The following ASTN1 variants were observed in gnomAD, a reference collection of about 807,000 sequenced individuals.
ASTN1 encodes astrotactin-1.
In ASTN1, 41 loss-of-function variants were observed where a neutral mutation model predicts 140.7. That is an observed-to-expected ratio of 0.29 (90% CI 0.23 to 0.38). The LOEUF is 0.38. Ranked by LOEUF, ASTN1 falls within the 10% of genes least tolerant of loss-of-function variation. The pLI is 1.00. For synonymous variants in ASTN1, 640 were observed against 652.2 expected (o/e 0.98, Z 0.29); for missense variants, 1,479 against 1,678.8 (o/e 0.88, Z 2.08).
intron 5 of ASTN1, among the ~76,000 whole-genome samples, chr1:177,025,651 A>G (rs940082111): frequency 2.6e-5 from 4 of 152,202 alleles, no homozygotes; most frequent in Non-Finnish European, 4.4e-5. Context: ...AAAGGTTTCC[A>G]TTAAGGCAGA....
chr1:176,864,319 G>A lies in ASTN1; in HGVS notation c.3850C>T (p.Pro1284Ser), dbSNP rs146353059. The A allele has an allele frequency of 2.2e-5, 36 of 1,613,942 alleles. No individual in the cohort carries two copies. The highest frequency in any genetic ancestry group is 3.0e-5 in the Non-Finnish European group (35 of 1,180,008). The stretch of plus-strand genomic sequence containing the variant: ...TTGCTGTCCCCATAGTCGTTGTAGG[G>A]GATACTCAGGGTCTGCTCCTCACAC... ...KTCEEQTLSI[P>S]YNDYGDSKEI Residue 1284 changes from proline (P) to serine (S), a missense_variant, in exon 23 of 23, where the codon CCC (proline) becomes TCC (serine). Physicochemically the swap from Pro to Ser is moderately conservative, Grantham distance 74. This residue lies in a region of ASTN1 where 746 missense variants were observed against 800.9 expected (regional missense o/e 0.93). Transcript: ENST00000361833.
At position 177,029,681 on chromosome 1, in the gene ASTN1, T is replaced by C. The variant is rs1676322567; in HGVS notation, c.1073A>G (p.Gln358Arg). The C allele has an allele frequency of 3.1e-6, 5 of 1,613,840 alleles. No homozygotes were observed. Among genetic ancestry groups the C allele is most frequent in the Non-Finnish European group, 4.2e-6 (5 of 1,179,920 alleles). ...DSGTEAENDPQLTFYTDPSRS... is the reference protein window; with the variant it reads ...DSGTEAENDPRLTFYTDPSRS... ...TGAAGGATCCGTGTAAAAGGTCAGC[T>C]GGGGGTCGTTTTCTGCCTCTGTGCC... Residue 358 changes from glutamine to arginine, a missense_variant, in exon 5 of 23, where the codon CAG (glutamine) becomes CGG (arginine). Physicochemically the swap from Gln to Arg is conservative, Grantham distance 43 (BLOSUM62 1). Coordinates refer to ENST00000361833, the MANE Select transcript of ASTN1 (RefSeq NM_004319.3).
intron 16 of ASTN1, among the ~76,000 whole-genome samples, chr1:176,899,831 T>G (rs1481279555): frequency 6.6e-6 from 1 of 152,172 alleles, no homozygotes; most frequent in Non-Finnish European, 1.5e-5. Flanking sequence ...TAAAATGAAC[T>G]GCTAGACCTG....
intron 1 of ASTN1, among the ~76,000 whole-genome samples, chr1:177,131,141 C>T (rs1211424600): frequency 2.6e-5 from 4 of 152,146 alleles, no homozygotes; most frequent in Non-Finnish European, 4.4e-5. Flanking sequence ...AGTGAATGTG[C>T]CTCTCATCCA....
intron 1 of ASTN1, among the ~76,000 whole-genome samples, chr1:177,107,069 A>AT (rs1252202348): frequency 6.6e-6 from 1 of 152,130 alleles, no homozygotes; most frequent in Non-Finnish European, 1.5e-5. Context: ...TCTAAAGACC[A>AT]TTTTTAAGTG....
At chr1:177,024,527 C>G in intron 6 of ASTN1, 56 bp downstream of exon 6, 1 of 1,594,492 alleles carries the variant, frequency 6.3e-7, no homozygotes, top group Non-Finnish European at 8.6e-7. Context: ...CTTTGCCCAA[C>G]CAGAAAACTT....
chr1:177,123,028 G>A (rs1354641882), intron 1 of ASTN1, among the ~76,000 whole-genome samples: 1 of 152,162 alleles, frequency 6.6e-6, no homozygotes, highest in Non-Finnish European at 1.5e-5. Context: ...CAGGGAGTGT[G>A]CAGTGCAGCT....
At chr1:177,110,247 T>C (rs1571797924) in intron 1 of ASTN1, among the ~76,000 whole-genome samples, 2 of 152,186 alleles carry the variant, frequency 1.3e-5, no homozygotes, top group Non-Finnish European at 2.9e-5. Context: ...AGAGGAAAGA[T>C]TACATGCAAA....
At chr1:177,124,058 G>A (rs577451696) in intron 1 of ASTN1, among the ~76,000 whole-genome samples, 1 of 152,202 alleles carries the variant, frequency 6.6e-6, no homozygotes, top group South Asian at 2.1e-4. Flanking sequence ...ATTATCACAG[G>A]GCTTAGGAGC....
At chr1:176,963,618 G>A (rs1672758036) in intron 9 of ASTN1, among the ~76,000 whole-genome samples, 1 of 152,178 alleles carries the variant, frequency 6.6e-6, no homozygotes, top group African/African-American at 2.4e-5. Context: ...TGCTTGTGGG[G>A]ATAGAAACAG....
chr1:176,910,053 A>C (rs1670165518), intron 16 of ASTN1, among the ~76,000 whole-genome samples: 1 of 152,162 alleles, frequency 6.6e-6, no homozygotes, highest in South Asian at 2.1e-4. Flanking sequence ...ATCCCCCAAC[A>C]AAACACCCCC....
chr1:176,868,791 A>G (rs547151374), intron 22 of ASTN1, 53 bp downstream of exon 22: 1 of 1,516,016 alleles, frequency 6.6e-7, no homozygotes, highest in African/African-American at 1.4e-5. Flanking sequence ...ACGGCACAAG[A>G]GGTACAAAAT....
At chr1:176,915,611 A>C (rs1036541759) in intron 16 of ASTN1, among the ~76,000 whole-genome samples, 1 of 152,160 alleles carries the variant, frequency 6.6e-6, no homozygotes, top group Admixed American at 6.5e-5. Flanking sequence ...TGTCGTACAC[A>C]GCTTCCGGTG....
intron 18 of ASTN1, 134 bp downstream of exon 18, chr1:176,887,937 T>C (rs1296844603): frequency 3.9e-6 from 5 of 1,281,860 alleles, no homozygotes; most frequent in Non-Finnish European, 5.3e-6. Flanking sequence ...CCTTGGTAGA[T>C]TGAAAGCTCT....
At chr1:176,880,288 C>T (rs1336209115) in intron 20 of ASTN1, among the ~76,000 whole-genome samples, 1 of 152,154 alleles carries the variant, frequency 6.6e-6, no homozygotes, top group Non-Finnish European at 1.5e-5. Flanking sequence ...GACTCGTAAG[C>T]CCCCTGCTAA....
intron 1 of ASTN1, among the ~76,000 whole-genome samples, chr1:177,161,722 G>A (rs775142041): frequency 1.2e-4 from 19 of 152,152 alleles, no homozygotes; most frequent in Non-Finnish European, 2.4e-4. Flanking sequence ...AGAGGCAAAA[G>A]GAAGCCAAAG....
intron 16 of ASTN1, among the ~76,000 whole-genome samples, chr1:176,902,402 A>G (rs1252365144): frequency 6.6e-6 from 1 of 152,106 alleles, no homozygotes; most frequent in Non-Finnish European, 1.5e-5. Flanking sequence ...CTATACCCCG[A>G]ACAGCTTTTT....
intron 1 of ASTN1, among the ~76,000 whole-genome samples, chr1:177,075,276 G>A (rs1211336964): frequency 1.3e-5 from 2 of 152,076 alleles, no homozygotes; most frequent in Non-Finnish European, 2.9e-5. Context: ...GTTTCACCAT[G>A]TTGGTCAGGC....
At chr1:176,892,501 T>C (rs1248717449) in intron 17 of ASTN1, among the ~76,000 whole-genome samples, 1 of 152,174 alleles carries the variant, frequency 6.6e-6, no homozygotes, top group Non-Finnish European at 1.5e-5. Context: ...TATAGTGCCA[T>C]TCACTGGCAT....
Sources: allele counts gnomAD v4.1 joint callset (sites outside exome capture counted in the v4.1 genomes callset), GRCh38; gene constraint gnomAD v4.1.1; regional missense constraint gnomAD v4.1.1; transcripts MANE v1.5; gene names NCBI Gene and HGNC (gene_info 2026-07-23, HGNC 2026-07-21).